MSRB3: variants seen among roughly 807,000 people sequenced by gnomAD.
The protein encoded by MSRB3 is methionine sulfoxide reductase B3.
MSRB3 carries 13 observed loss-of-function variants against 21.0 expected under a neutral mutation model. The ratio of observed to expected loss-of-function variants is 0.62; its 90% CI spans 0.40 to 0.98. The LOEUF (loss-of-function observed/expected upper bound fraction) is 0.98, where lower values mean the gene tolerates loss of function less well. MSRB3 is among the 50% of genes least tolerant of loss of function. The pLI, the probability that MSRB3 is intolerant of heterozygous loss-of-function variation, is 0.00. For synonymous variants in MSRB3, 87 were observed against 88.6 expected (o/e 0.98, Z 0.10); for missense variants, 199 against 230.3 (o/e 0.86, Z 0.88).
intron 5 of MSRB3, among the ~76,000 whole-genome samples, chr12:65,449,406 T>G (rs997644672): frequency 2.6e-5 from 4 of 151,990 alleles, no homozygotes; most frequent in Admixed American, 2.0e-4. Context: ...ATAAGGTAAA[T>G]TGTGGTCAGT....
At chr12:65,442,302 T>C (rs2136682439) in intron 5 of MSRB3, among the ~76,000 whole-genome samples, 1 of 152,082 alleles carries the variant, frequency 6.6e-6, no homozygotes, top group South Asian at 2.1e-4. Context: ...CAGGTACATA[T>C]ATTTATGAGA....
intron 5 of MSRB3, among the ~76,000 whole-genome samples, chr12:65,373,649 GAT>G (rs1257390046): frequency 6.6e-6 from 1 of 152,136 alleles, no homozygotes; most frequent in African/African-American, 2.4e-5. Context: ...AAAGGTATAA[GAT>G]TTCATGAAAG....
intron 4 of MSRB3, among the ~76,000 whole-genome samples, chr12:65,353,546 A>G (rs929434084): frequency 3.3e-5 from 5 of 151,534 alleles, no homozygotes; most frequent in African/African-American, 1.2e-4. Context: ...TAGGATTGCA[A>G]CCCCTGCCTT....
Position 65,364,657 on chromosome 12 carries a change from C to T in MSRB3, c.264-4341C>T, listed in dbSNP as rs545068597. Among the ~76,000 whole-genome samples, 13 of 152,040 alleles carry T rather than the reference C, an allele frequency of 8.6e-5. No homozygotes were observed. The South Asian group carries it at 1.2e-3, about 15-fold the overall frequency. On this transcript the variant is annotated intron_variant, in intron 4 of 6. Coordinates refer to ENST00000308259, the MANE Select transcript of MSRB3 (RefSeq NM_001031679.3). ...TATGTATCTTTCTTTTTACATTTGCCGTATATTCATCCTTATCCATATTTC... is the reference window on the plus strand; with the variant it reads ...TATGTATCTTTCTTTTTACATTTGCTGTATATTCATCCTTATCCATATTTC...
intron 5 of MSRB3, among the ~76,000 whole-genome samples, chr12:65,390,698 C>CA (rs1422744736): frequency 1.3e-5 from 2 of 151,906 alleles, no homozygotes; most frequent in Admixed American, 6.6e-5. Context: ...TTTATTGTGG[C>CA]AAAAAAACCC....
At chr12:65,374,024 T>C (rs988685347) in intron 5 of MSRB3, among the ~76,000 whole-genome samples, 1 of 152,158 alleles carries the variant, frequency 6.6e-6, no homozygotes, top group Non-Finnish European at 1.5e-5. Flanking sequence ...GTAGTAGAAA[T>C]AGAGTTTTGA....
intron 1 of MSRB3, among the ~76,000 whole-genome samples, chr12:65,308,201 C>T (rs1287088930): frequency 6.6e-6 from 1 of 152,204 alleles, no homozygotes; most frequent in Non-Finnish European, 1.5e-5. Flanking sequence ...GTATATTAGG[C>T]TCCAGACAGT....
intron 2 of MSRB3, among the ~76,000 whole-genome samples, chr12:65,311,678 T>C (rs1328902326): frequency 8.5e-5 from 13 of 152,096 alleles, no homozygotes. Context: ...TTTAATATAA[T>C]GTTGCTGGTC....
rs751102466 is a variant in MSRB3, at chr12:65,326,944, G to A, written c.185+10G>A. The A allele has an allele frequency of 6.9e-5, 111 of 1,603,400 alleles. No homozygotes were observed. The highest frequency in any genetic ancestry group is 8.8e-5 in the Non-Finnish European group (103 of 1,171,640). ...AGAAAGGGACCGAAAGGTAAGGTGA[G>A]CTTTAATAAAAAGTCATTAAGAGCT... is the stretch of plus-strand genomic sequence containing the variant. On this transcript the variant is annotated intron_variant, in intron 3 of 6. Transcript: ENST00000308259.
intron 4 of MSRB3, among the ~76,000 whole-genome samples, chr12:65,350,345 A>G (rs896533132): frequency 1.7e-4 from 26 of 152,018 alleles, no homozygotes; most frequent in African/African-American, 6.0e-4. Context: ...AGGTAGTGTG[A>G]TGCCTCCAGC....
chr12:65,445,396 A>G lies in MSRB3; in HGVS notation c.293-8332A>G, dbSNP rs571627566. 4.5e-4 allele frequency among the ~76,000 whole-genome samples: 67 copies of G among 149,792 alleles called. 1 individual carries two copies. The highest frequency in any genetic ancestry group is 1.6e-3 in the African/African-American group (64 of 40,592). On this transcript the variant is annotated intron_variant, in intron 5 of 6. Coordinates refer to ENST00000308259, the MANE Select transcript of MSRB3 (RefSeq NM_001031679.3). The stretch of plus-strand genomic sequence containing the variant: ...GTTACTAGGCTGCTTAAAAGCCTTC[A>G]GGTGGCCCCCAATCATCATTTTATC...
chr12:65,295,555 CT>C (rs968743350), intron 1 of MSRB3, among the ~76,000 whole-genome samples: 27 of 147,064 alleles, frequency 1.8e-4, no homozygotes, highest in African/African-American at 2.2e-4. Context: ...TGATGTCTCC[CT>C]TTTTTTTTTG....
chr12:65,327,509 T>C (rs541061292), intron 3 of MSRB3, among the ~76,000 whole-genome samples: 58 of 152,340 alleles, frequency 3.8e-4, no homozygotes, highest in African/African-American at 1.3e-3. Context: ...AAAAAAGAGT[T>C]TGTTCACTTC....
intron 1 of MSRB3, among the ~76,000 whole-genome samples, chr12:65,288,477 C>T (rs1872513587): frequency 6.6e-6 from 1 of 152,140 alleles, no homozygotes; most frequent in Non-Finnish European, 1.5e-5. Flanking sequence ...TGTTACACTG[C>T]ATCTAAGATC....
intron 1 of MSRB3, among the ~76,000 whole-genome samples, chr12:65,304,687 G>A (rs1195297832): frequency 6.6e-6 from 1 of 152,208 alleles, no homozygotes. Context: ...CTTGCTCAAT[G>A]CTGATTTCTA....
At chr12:65,417,472 A>C (rs1489082629) in intron 5 of MSRB3, among the ~76,000 whole-genome samples, 1 of 152,180 alleles carries the variant, frequency 6.6e-6, no homozygotes, top group African/African-American at 2.4e-5. Flanking sequence ...TAACATATGC[A>C]TTACCTCACA....
chr12:65,279,098 C>G, intron 1 of MSRB3: 1 of 1,386,060 alleles, frequency 7.2e-7, no homozygotes, highest in Non-Finnish European at 9.3e-7. Flanking sequence ...CCCCACCCGC[C>G]GAAGGGAGGC....
intron 4 of MSRB3, among the ~76,000 whole-genome samples, chr12:65,368,090 C>T (rs1184666531): frequency 6.6e-6 from 1 of 152,114 alleles, no homozygotes; most frequent in East Asian, 1.9e-4. Context: ...GCCACCGCTT[C>T]CAAAAGTGCT....
At chr12:65,290,168 A>G (rs982774074) in intron 1 of MSRB3, among the ~76,000 whole-genome samples, 5 of 152,176 alleles carry the variant, frequency 3.3e-5, no homozygotes, top group Admixed American at 6.5e-5. Context: ...AATAATACCA[A>G]CCACTTACAG....
Sources: allele counts gnomAD v4.1 joint callset (sites outside exome capture counted in the v4.1 genomes callset), GRCh38; gene constraint gnomAD v4.1.1; transcripts MANE v1.5; gene names NCBI Gene and HGNC (gene_info 2026-07-23, HGNC 2026-07-21).